The following ARHGEF10L variants were observed in gnomAD, a reference collection of about 807,000 sequenced individuals.
ARHGEF10L encodes rho guanine nucleotide exchange factor 10-like protein.
In ARHGEF10L, 69 loss-of-function variants were observed where a neutral mutation model predicts 141.2. That is an observed-to-expected ratio of 0.49 (90% CI 0.40 to 0.60). ARHGEF10L has a LOEUF of 0.60. Ranked by LOEUF, ARHGEF10L falls within the 20% of genes least tolerant of loss-of-function variation. The pLI is 0.00. For missense variants in ARHGEF10L, 1,482 were observed against 1,734.3 expected, an observed-to-expected ratio of 0.85 and a Z score of 2.58; for synonymous variants, 711 against 718.5, an observed-to-expected ratio of 0.99 and a Z score of 0.17.
intron 1 of ARHGEF10L, among the ~76,000 whole-genome samples, chr1:17,556,039 C>CAGCCTGGGAGCACGGGGTTG (rs1368939860): frequency 6.7e-6 from 1 of 150,084 alleles, no homozygotes; most frequent in Non-Finnish European, 1.5e-5. Context: ...TAGGTTAGGG[C>CAGCCTGGGAGCACGGGGTTG]AGCCTGGGAG....
chr1:17,664,385 C>A, intron 25 of ARHGEF10L, 62 bp from the exon 26 acceptor site: 1 of 1,550,954 alleles, frequency 6.4e-7, no homozygotes, highest in African/African-American at 1.4e-5. Flanking sequence ...TGCTGGCCTG[C>A]GTTCCCAGGA....
the ARHGEF10L span, among the ~76,000 whole-genome samples, chr1:17,529,719 G>A: frequency 6.6e-6 from 1 of 152,168 alleles, no homozygotes; most frequent in African/African-American, 2.4e-5. Flanking sequence ...GATGACAGGA[G>A]GCAGCTATAG....
At chr1:17,538,776 T>G (rs771794626), upstream of ARHGEF10L, among the ~76,000 whole-genome samples, 32 of 152,038 alleles carry the variant, frequency 2.1e-4, no homozygotes, top group Non-Finnish European at 4.0e-4. Flanking sequence ...TACGTGCACC[T>G]GTACCCTTTG....
upstream of ARHGEF10L, among the ~76,000 whole-genome samples, chr1:17,535,536 C>G (rs1172854253): frequency 6.6e-6 from 1 of 152,212 alleles, no homozygotes; most frequent in African/African-American, 2.4e-5. Flanking sequence ...GCTGAGCAAT[C>G]TTGGACAAGT....
intron 8 of ARHGEF10L, among the ~76,000 whole-genome samples, chr1:17,613,672 A>G (rs957453236): frequency 9.2e-5 from 14 of 152,274 alleles, no homozygotes; most frequent in African/African-American, 2.7e-4. Context: ...AGGATAAGGA[A>G]GTCTGTAGGA....
chr1:17,577,338 G>T (rs758510400), intron 1 of ARHGEF10L, among the ~76,000 whole-genome samples: 16 of 152,338 alleles, frequency 1.1e-4, no homozygotes, highest in Non-Finnish European at 7.3e-5. Context: ...GAGCCACCAT[G>T]ACTGGCCTGA....
At position 17,673,332 on chromosome 1, in the gene ARHGEF10L, C is replaced by T. The variant is rs2063444905; in HGVS notation, c.3009+8737C>T. ...TTCCACATCCCCCTCCCCTCTGAGC[C>T]CGGCAGCAGGGAGAGGGGGAGGGCA... On this transcript the variant is annotated intron_variant, in intron 26 of 28. Coordinates refer to ENST00000361221, the MANE Select transcript of ARHGEF10L (RefSeq NM_018125.4). The surrounding 1 kb of genome is among the most constrained non-coding windows in gnomAD (Gnocchi z 4.1). 6.6e-6 allele frequency among the ~76,000 whole-genome samples: 1 copy of T among 152,138 alleles called. No individual in the cohort carries two copies. The highest frequency in any genetic ancestry group is 2.4e-5 in the African/African-American group (1 of 41,420).
At chr1:17,664,080 T>C (rs2062813056) in intron 25 of ARHGEF10L, among the ~76,000 whole-genome samples, 2 of 152,168 alleles carry the variant, frequency 1.3e-5, no homozygotes, top group South Asian at 4.1e-4. Flanking sequence ...CTGTGTCTGA[T>C]TCCTTTCTGT....
chr1:17,618,387 C>G (rs755959140), intron 9 of ARHGEF10L: 19 of 1,543,542 alleles, frequency 1.2e-5, no homozygotes, highest in Middle Eastern at 3.3e-4. Context: ...GAAGAGGAAG[C>G]TGCGAGGCAG....
chr1:17,601,064 A>AAAC (rs1486435505), intron 4 of ARHGEF10L, among the ~76,000 whole-genome samples: 5 of 148,264 alleles, frequency 3.4e-5, no homozygotes, highest in African/African-American at 5.1e-5. Context: ...AAAAAAAAAA[A>AAAC]AAAACAAAAA....
chr1:17,650,324 G>T lies in ARHGEF10L; in HGVS notation c.2394+1649G>T, dbSNP rs141626932. Among the ~76,000 whole-genome samples the T allele has an allele frequency of 2.4e-3, 363 of 152,202 alleles. 11 individuals are homozygous for T. In the East Asian group the frequency reaches 0.062, roughly 26 times the overall value. On this transcript the variant is annotated intron_variant, in intron 22 of 28. Coordinates refer to ENST00000361221, the MANE Select transcript of ARHGEF10L (RefSeq NM_018125.4). ...AGCTACTTGGGAGGCTGAGGTGGGAGGATCGCTTGAGCCCAGGAGGTTGAG... is the reference window on the plus strand; with the variant it reads ...AGCTACTTGGGAGGCTGAGGTGGGATGATCGCTTGAGCCCAGGAGGTTGAG...
At chr1:17,543,136 G>C (rs559256946) in intron 1 of ARHGEF10L, among the ~76,000 whole-genome samples, 1 of 152,128 alleles carries the variant, frequency 6.6e-6, no homozygotes, top group Non-Finnish European at 1.5e-5. Flanking sequence ...TCAGGACCCT[G>C]GTCTGATGAC....
upstream of ARHGEF10L, among the ~76,000 whole-genome samples, chr1:17,536,780 C>T (rs921709018): frequency 1.3e-5 from 2 of 152,288 alleles, no homozygotes; most frequent in East Asian, 1.9e-4. Context: ...AGGGCCACCA[C>T]TCCTGGGGCC....
intron 10 of ARHGEF10L, among the ~76,000 whole-genome samples, chr1:17,620,676 G>A (rs1015841040): frequency 1.3e-5 from 2 of 152,104 alleles, no homozygotes; most frequent in African/African-American, 2.4e-5. Context: ...GCAGGGAGCC[G>A]GGGTTCTGGT....
At chr1:17,648,490 C>T (rs1456934646) in intron 21 of ARHGEF10L, 64 bp from the exon 22 acceptor site, 6 of 1,590,426 alleles carry the variant, frequency 3.8e-6, no homozygotes, top group Non-Finnish European at 4.3e-6. Context: ...TTGGAGGGCT[C>T]CTCATGGCCC....
chr1:17,594,798 A>G (rs2079917352), intron 4 of ARHGEF10L, among the ~76,000 whole-genome samples: 1 of 152,150 alleles, frequency 6.6e-6, no homozygotes, highest in Admixed American at 6.5e-5. Context: ...TCAGTTGCTA[A>G]TCTCTGTAAA....
At chr1:17,635,630 C>T (rs572191485) in intron 18 of ARHGEF10L, among the ~76,000 whole-genome samples, 169 of 152,336 alleles carry the variant, frequency 1.1e-3, no homozygotes, top group African/African-American at 3.9e-3. Flanking sequence ...TCAGAGAAGC[C>T]TTTTCTTATG....
chr1:17,676,804 TC>T (rs907388511), intron 26 of ARHGEF10L, among the ~76,000 whole-genome samples: 1 of 151,734 alleles, frequency 6.6e-6, no homozygotes, highest in African/African-American at 2.4e-5. Context: ...AGCACTCTGT[TC>T]CCCCAGGCCT....
At chr1:17,657,796 G>A (rs552475917) in intron 25 of ARHGEF10L, among the ~76,000 whole-genome samples, 2 of 152,308 alleles carry the variant, frequency 1.3e-5, no homozygotes, top group South Asian at 4.1e-4. Flanking sequence ...GTTCTAGAGC[G>A]ACCACTCCCA....
Sources: allele counts gnomAD v4.1 joint callset (sites outside exome capture counted in the v4.1 genomes callset), GRCh38; gene constraint gnomAD v4.1.1; non-coding constraint Gnocchi (gnomAD v3.1); transcripts MANE v1.5; gene names NCBI Gene and HGNC (gene_info 2026-07-23, HGNC 2026-07-21).